Variants in TANK observed in about 807,000 individuals in gnomAD.
The protein encoded by TANK is TRAF family member associated NFKB activator.
In TANK, 15 loss-of-function variants were observed where a neutral mutation model predicts 43.6. The observed-to-expected ratio is 0.34, with a 90% CI of 0.23 to 0.53. The LOEUF is 0.53. Among genes scored for constraint, TANK ranks in the 20% least tolerant of loss-of-function variants. The probability of loss-of-function intolerance (pLI) is 0.94; values close to 1 mark genes in which losing one functional copy is unlikely to be tolerated. For missense variants in TANK, 417 were observed against 498.6 expected (o/e 0.84, Z 1.56); for synonymous variants, 162 against 178.2 (o/e 0.91, Z 0.73).
At chr2:161,192,091 A>G (rs141372164) in intron 2 of TANK, among the ~76,000 whole-genome samples, 1,525 of 152,142 alleles carry the variant, frequency 0.01, 22 homozygotes, top group African/African-American at 0.035. Context: ...CCCAGCCCTT[A>G]CTTTCTATTC....
chr2:161,141,554 C>G (rs1683747354), intron 1 of TANK, among the ~76,000 whole-genome samples: 1 of 152,114 alleles, frequency 6.6e-6, no homozygotes, highest in Non-Finnish European at 1.5e-5. Context: ...CATTGTTCAA[C>G]TCACACTTAT....
intron 2 of TANK, among the ~76,000 whole-genome samples, chr2:161,180,542 A>G (rs567381925): frequency 1.3e-5 from 2 of 152,256 alleles, no homozygotes; most frequent in African/African-American, 4.8e-5. Flanking sequence ...CCATGTTTCC[A>G]TACGATCAAA....
At chr2:161,217,349 C>G (rs1220532925) in intron 4 of TANK, among the ~76,000 whole-genome samples, 1 of 152,136 alleles carries the variant, frequency 6.6e-6, no homozygotes, top group African/African-American at 2.4e-5. Flanking sequence ...CTTTCCTTCA[C>G]TCTCTGGTGA....
At chr2:161,155,419 T>G (rs1684197745) in intron 1 of TANK, among the ~76,000 whole-genome samples, 1 of 152,226 alleles carries the variant, frequency 6.6e-6, no homozygotes, top group Non-Finnish European at 1.5e-5. Context: ...AAATTTCACC[T>G]TTCTTGAGTT....
At chr2:161,139,757 C>A (rs1469026319) in intron 1 of TANK, 2 of 985,154 alleles carry the variant, frequency 2.0e-6, no homozygotes, top group East Asian at 2.3e-4. Context: ...AGAATGAAAA[C>A]AATGTGACAT....
At chr2:161,214,448 A>G (rs1687031452) in intron 4 of TANK, among the ~76,000 whole-genome samples, 1 of 152,058 alleles carries the variant, frequency 6.6e-6, no homozygotes, top group Non-Finnish European at 1.5e-5. Context: ...TCAAGTTTCA[A>G]TAAAAGTAAT....
intron 1 of TANK, chr2:161,137,746 G>A (rs969442616): frequency 5.9e-5 from 9 of 152,080 alleles, no homozygotes; most frequent in African/African-American, 1.7e-4. Flanking sequence ...GGCTGAGGCC[G>A]GCAGATCACC....
intron 1 of TANK, among the ~76,000 whole-genome samples, chr2:161,153,687 CAA>C (rs11395042): frequency 2.4e-4 from 18 of 76,320 alleles, no homozygotes; most frequent in Middle Eastern, 6.3e-3. Flanking sequence ...GGCCCTGTCT[CAA>C]AAAAAAAAAA....
At chr2:161,166,235 A>G (rs1684672981) in intron 1 of TANK, among the ~76,000 whole-genome samples, 1 of 152,256 alleles carries the variant, frequency 6.6e-6, no homozygotes, top group Admixed American at 6.5e-5. Context: ...ATGATATTTA[A>G]GGTTTCTATT....
rs1477863015 is a variant in TANK, at chr2:161,235,378, T to C, written c.1138T>C (p.Ser380Pro). The C allele has an allele frequency of 1.9e-6, 3 of 1,611,364 alleles. No individual in the cohort carries two copies. In the Admixed American group the frequency reaches 5.0e-5, roughly 27 times the overall value. Residue 380 changes from serine (S) to proline (P), a missense_variant, in exon 8 of 8, where the codon TCG becomes CCG. Physicochemically the swap from Ser to Pro is moderately conservative, Grantham distance 74. Coordinates refer to ENST00000392749, the MANE Select transcript of TANK (RefSeq NM_001199135.3). ...WKPFPNQDSDSVVLSGTDSEL... is the reference protein window; with the variant it reads ...WKPFPNQDSDPVVLSGTDSEL... ...GCCCTTTCCTAATCAAGACAGTGAC[T>C]CGGTGGTACTAAGTGGCACAGACTC... is the stretch of plus-strand genomic sequence containing the variant.
intron 2 of TANK, among the ~76,000 whole-genome samples, chr2:161,183,927 G>T (rs896573584): frequency 6.6e-6 from 1 of 151,964 alleles, no homozygotes; most frequent in African/African-American, 2.4e-5. Context: ...TATTACTATA[G>T]TGTATTTTGT....
intron 4 of TANK, among the ~76,000 whole-genome samples, chr2:161,221,615 CA>C (rs1423804703): frequency 6.6e-6 from 1 of 151,316 alleles, no homozygotes; most frequent in Non-Finnish European, 1.5e-5. Context: ...TGTTATGCCC[CA>C]TTCTAAATAA....
intron 2 of TANK, among the ~76,000 whole-genome samples, chr2:161,189,636 A>G (rs1381650271): frequency 6.6e-6 from 1 of 152,212 alleles, no homozygotes; most frequent in Non-Finnish European, 1.5e-5. Flanking sequence ...AAGTATAGAA[A>G]GCCCTAAAGA....
intron 3 of TANK, among the ~76,000 whole-genome samples, chr2:161,204,121 CATAA>C (rs1182640315): frequency 5.4e-5 from 8 of 149,078 alleles, no homozygotes; most frequent in African/African-American, 2.0e-4. Flanking sequence ...AAGCAGGATA[CATAA>C]ATAAGTGTTT....
chr2:161,146,706 G>A (rs1429625134), intron 1 of TANK, among the ~76,000 whole-genome samples: 1 of 152,140 alleles, frequency 6.6e-6, no homozygotes, highest in Admixed American at 6.5e-5. Flanking sequence ...CCTTCCTCTG[G>A]GATCTCTGAC....
chr2:161,201,268 C>T, intron 2 of TANK: 1 of 936,720 alleles, frequency 1.1e-6, no homozygotes, highest in Non-Finnish European at 1.3e-6. Flanking sequence ...TTTTTCTTAG[C>T]TATTGAATAC....
intron 4 of TANK, among the ~76,000 whole-genome samples, chr2:161,208,969 A>G (rs1037616382): frequency 6.6e-6 from 1 of 152,188 alleles, no homozygotes; most frequent in African/African-American, 2.4e-5. Flanking sequence ...GGTATTGTAG[A>G]TTGTGGTGTA....
chr2:161,234,546 G>C (rs950879558), intron 7 of TANK, among the ~76,000 whole-genome samples: 2 of 152,136 alleles, frequency 1.3e-5, no homozygotes, highest in Non-Finnish European at 2.9e-5. Flanking sequence ...AATAAATGCA[G>C]TTATGAAAGG....
chr2:161,151,586 C>A (rs535324740), intron 1 of TANK, among the ~76,000 whole-genome samples: 1 of 152,192 alleles, frequency 6.6e-6, no homozygotes, highest in South Asian at 2.1e-4. Context: ...TTTAGCCACG[C>A]CATCTCTCTT....
Sources: allele counts gnomAD v4.1 joint callset (sites outside exome capture counted in the v4.1 genomes callset), GRCh38; gene constraint gnomAD v4.1.1; transcripts MANE v1.5; gene names NCBI Gene and HGNC (gene_info 2026-07-23, HGNC 2026-07-21).